The following SEMA3D variants were observed in gnomAD, a reference collection of about 807,000 sequenced individuals.
SEMA3D encodes the protein semaphorin 3D.
A neutral mutation model predicts 100.1 loss-of-function variants in SEMA3D; 84 were observed. The ratio of observed to expected loss-of-function variants is 0.84; its 90% confidence interval spans 0.70 to 1.01. The LOEUF is 1.01. SEMA3D is among the 50% of genes least tolerant of loss of function. SEMA3D has a pLI of 0.00. For missense variants in SEMA3D, 875 were observed against 934.1 expected (o/e 0.94, Z 0.82); for synonymous variants, 312 against 320.7 (o/e 0.97, Z 0.29).
chr7:85,070,919 T>C (rs1159473237), intron 6 of SEMA3D, among the ~76,000 whole-genome samples: 1 of 152,166 alleles, frequency 6.6e-6, no homozygotes, highest in Non-Finnish European at 1.5e-5. Context: ...TAGCTGGGAT[T>C]ACAGGCGCAT....
intron 1 of SEMA3D, among the ~76,000 whole-genome samples, chr7:85,161,586 AAG>A (rs1193758555): frequency 6.6e-6 from 1 of 152,062 alleles, no homozygotes; most frequent in Non-Finnish European, 1.5e-5. Flanking sequence ...AAGAAGCAGG[AAG>A]AGAGGAAAAC....
chr7:85,247,519 G>T, the SEMA3D span, among the ~76,000 whole-genome samples: 3 of 151,980 alleles, frequency 2.0e-5, no homozygotes, highest in Non-Finnish European at 4.4e-5. Context: ...ATTTAAAAAA[G>T]AAGTTATTTT....
intron 12 of SEMA3D, among the ~76,000 whole-genome samples, chr7:85,024,133 A>C (rs1198251853): frequency 6.6e-6 from 1 of 151,972 alleles, no homozygotes; most frequent in Non-Finnish European, 1.5e-5. Flanking sequence ...AGAACCTTGC[A>C]TTAAATAGAT....
chr7:85,170,200 A>G (rs1466940125), intron 1 of SEMA3D, among the ~76,000 whole-genome samples: 1 of 151,864 alleles, frequency 6.6e-6, no homozygotes, highest in Non-Finnish European at 1.5e-5. Flanking sequence ...TATTAGTAAG[A>G]TTACCATTGG....
Position 85,042,266 on chromosome 7 carries a change from C to T in SEMA3D, c.881G>A (p.Arg294His), listed in dbSNP as rs771107222. The T allele has an allele frequency of 8.7e-6, 14 of 1,610,172 alleles. No individual in the cohort carries two copies. Among genetic ancestry groups the T allele is most frequent in the Non-Finnish European group, 1.2e-5 (14 of 1,176,898 alleles). The part of the protein sequence containing the change: ...RVCKNDVGGQ[R>H]SLINKWTTFL... ...AGTCGTCCACTTGTTTATCAGGCTG[C>T]GTTGTCCTCCTACATCATTCTGACA... is the stretch of plus-strand genomic sequence containing the variant. The change falls in exon 10 of 19, where the codon CGC becomes CAC. Residue 294 changes from arginine to histidine, a missense_variant. Coordinates refer to ENST00000284136, the MANE Select transcript of SEMA3D (RefSeq NM_001384900.1).
At chr7:85,093,883 T>G (rs1188268482) in intron 4 of SEMA3D, among the ~76,000 whole-genome samples, 1 of 151,984 alleles carries the variant, frequency 6.6e-6, no homozygotes, top group Non-Finnish European at 1.5e-5. Context: ...CTAGGACATC[T>G]GACATTGGCA....
At chr7:85,249,427 A>C in the SEMA3D span, among the ~76,000 whole-genome samples, 1 of 152,324 alleles carries the variant, frequency 6.6e-6, no homozygotes, top group South Asian at 2.1e-4. Flanking sequence ...AAAACTAAGA[A>C]AATCTGGATA....
At chr7:85,198,112 G>A in the SEMA3D span, among the ~76,000 whole-genome samples, 1 of 152,048 alleles carries the variant, frequency 6.6e-6, no homozygotes, top group African/African-American at 2.4e-5. Flanking sequence ...ACAAGATTAG[G>A]AGAATTGACT....
chr7:85,091,210 G>A (rs1788385366), intron 4 of SEMA3D, among the ~76,000 whole-genome samples: 1 of 149,594 alleles, frequency 6.7e-6, no homozygotes, highest in Non-Finnish European at 1.5e-5. Flanking sequence ...AGGGAGGGAA[G>A]GAAGGGAAGG....
intron 2 of SEMA3D, among the ~76,000 whole-genome samples, chr7:85,136,207 A>G (rs1479977802): frequency 6.6e-6 from 1 of 152,166 alleles, no homozygotes; most frequent in Non-Finnish European, 1.5e-5. Flanking sequence ...TCTTGATTAT[A>G]AAACAATGAG....
intron 1 of SEMA3D, among the ~76,000 whole-genome samples, chr7:85,179,662 CTTT>C (rs145786339): frequency 0.18 from 25,124 of 137,656 alleles, 2,338 homozygotes; most frequent in Non-Finnish European, 0.24. Flanking sequence ...TGGACTTGAA[CTTT>C]TTTTTTTTTT....
chr7:85,026,245 A>C (rs767490362), intron 12 of SEMA3D, among the ~76,000 whole-genome samples: 1 of 152,036 alleles, frequency 6.6e-6, no homozygotes, highest in East Asian at 1.9e-4. Context: ...GAACAGAACT[A>C]GAGATATCCT....
chr7:85,028,111 TA>T, intron 12 of SEMA3D: 1 of 635,884 alleles, frequency 1.6e-6, no homozygotes, highest in Non-Finnish European at 2.9e-6. Context: ...TTCACGGTGG[TA>T]AATGATGCTG....
chr7:84,999,932 G>A (rs1218426075), intron 18 of SEMA3D, 67 bp from the exon 19 acceptor site: 3 of 1,285,922 alleles, frequency 2.3e-6, no homozygotes, highest in East Asian at 2.4e-5. Context: ...ATGAAAACAG[G>A]CTACATAGTT....
intron 4 of SEMA3D, among the ~76,000 whole-genome samples, chr7:85,088,210 A>G (rs1381452396): frequency 2.0e-5 from 3 of 152,146 alleles, no homozygotes; most frequent in Non-Finnish European, 4.4e-5. Flanking sequence ...TTAATTTTTA[A>G]TTATTCAGTG....
intron 2 of SEMA3D, among the ~76,000 whole-genome samples, chr7:85,130,558 G>A (rs959916675): frequency 1.3e-5 from 2 of 152,102 alleles, no homozygotes; most frequent in African/African-American, 4.8e-5. Flanking sequence ...TTATCCCTAG[G>A]AGAAATCTGA....
intron 1 of SEMA3D, among the ~76,000 whole-genome samples, chr7:85,162,377 A>T (rs1790771841): frequency 6.6e-6 from 1 of 152,172 alleles, no homozygotes; most frequent in Admixed American, 6.6e-5. Flanking sequence ...GTTGGGAATC[A>T]TTAAAAGTGA....
At chr7:85,158,149 C>T (rs987024897) in intron 1 of SEMA3D, among the ~76,000 whole-genome samples, 1 of 152,044 alleles carries the variant, frequency 6.6e-6, no homozygotes, top group Non-Finnish European at 1.5e-5. Flanking sequence ...GAAATCTGGG[C>T]ACCTTGAAAA....
intron 1 of SEMA3D, among the ~76,000 whole-genome samples, chr7:85,177,202 A>G (rs1791259821): frequency 6.6e-6 from 1 of 152,170 alleles, no homozygotes; most frequent in African/African-American, 2.4e-5. Flanking sequence ...AGATATGCAT[A>G]TATATGTGTA....
Sources: gnomAD v4.1 joint callset for allele counts (sites outside exome capture counted in the v4.1 genomes callset) on GRCh38, gnomAD v4.1.1 for gene constraint, MANE v1.5 for transcripts, NCBI Gene and HGNC (gene_info 2026-07-23, HGNC 2026-07-21) for gene names.